Variants in ETFDH observed in about 807,000 individuals in gnomAD.
ETFDH encodes electron transfer flavoprotein-ubiquinone oxidoreductase, mitochondrial.
In ETFDH, 61 loss-of-function variants were observed where a neutral mutation model predicts 73.2. The observed-to-expected ratio is 0.83, with a 90% confidence interval of 0.68 to 1.03. The LOEUF (loss-of-function observed/expected upper bound fraction) is 1.03. Among genes scored for constraint, ETFDH ranks in the 50% least tolerant of loss-of-function variants. The pLI is 0.00. For missense variants in ETFDH, 685 were observed against 745.0 expected (o/e 0.92, Z 0.94); for synonymous variants, 243 against 253.3 (o/e 0.96, Z 0.39).
intron 12 of ETFDH, among the ~76,000 whole-genome samples, chr4:158,708,130 T>C (rs1016688945): frequency 2.6e-5 from 4 of 152,164 alleles, no homozygotes; most frequent in Non-Finnish European, 2.9e-5. Context: ...CAGTGTCGAG[T>C]ACCCTTGATA....
At chr4:158,701,372 C>G (rs559265619) in intron 9 of ETFDH, among the ~76,000 whole-genome samples, 1 of 152,160 alleles carries the variant, frequency 6.6e-6, no homozygotes. Flanking sequence ...CAGATAGCAC[C>G]TCCTCCCCAT....
In ETFDH at chr4:158,697,545, T is replaced by C; in HGVS notation, c.832-14T>C. The C allele has an allele frequency of 1.7e-6, 2 of 1,206,194 alleles. No individual in the cohort carries two copies. Among genetic ancestry groups the C allele is most frequent in the Non-Finnish European group, 2.3e-6 (2 of 878,068 alleles). The allele number at this position is 1,206,194 out of a possible 1,614,324, so 74.7% of individuals were successfully genotyped here. Reference sequence around the variant, plus strand: ...ATACTGCAGGACTTTTTTGTTTGCTTTTTTTTTTTTTAGTTATGGGTTATT... The same window carrying C: ...ATACTGCAGGACTTTTTTGTTTGCTCTTTTTTTTTTTAGTTATGGGTTATT... On this transcript the variant is annotated splice_polypyrimidine_tract_variant and intron_variant, in intron 7 of 12. Transcript: ENST00000511912.
Position 158,697,568 on chromosome 4 carries a change from A to G in ETFDH, c.841A>G (p.Ile281Val), listed in dbSNP as rs761854400. 160 of 1,607,096 alleles carry G rather than the reference A, an allele frequency of 1.0e-4. No homozygotes were observed. The highest frequency in any genetic ancestry group is 1.7e-4 in the Middle Eastern group (1 of 5,986). Residue 281 changes from isoleucine to valine, a missense_variant, in exon 8 of 13, where the codon ATT becomes GTT. By Grantham distance (29) the Ile-to-Val change is conservative. Around this residue, in one of 3 missense-constraint regions of ETFDH, gnomAD observed 405 missense variants for 399.3 expected, o/e 1.01. Transcript: ENST00000511912. ...CTTTTTTTTTTTTTAGTTATGGGTTATTGATGAAAAGAACTGGAAACCTGG... is the reference window on the plus strand; with the variant it reads ...CTTTTTTTTTTTTTAGTTATGGGTTGTTGATGAAAAGAACTGGAAACCTGG... The part of the protein sequence containing the change: ...YGIGLKELWV[I>V]DEKNWKPGRV...
chr4:158,676,098 G>A (rs944246582), intron 1 of ETFDH, among the ~76,000 whole-genome samples: 1 of 152,152 alleles, frequency 6.6e-6, no homozygotes, highest in Admixed American at 6.5e-5. Context: ...ACACAGAGGC[G>A]GCTGTACAGG....
At chr4:158,693,606 T>G (rs1392291620) in intron 6 of ETFDH, among the ~76,000 whole-genome samples, 1 of 152,204 alleles carries the variant, frequency 6.6e-6, no homozygotes, top group African/African-American at 2.4e-5. Context: ...GGACCCCGGT[T>G]TGCTGGTTGT....
At chr4:158,676,062 A>C (rs543473624) in intron 1 of ETFDH, among the ~76,000 whole-genome samples, 4 of 152,202 alleles carry the variant, frequency 2.6e-5, no homozygotes, top group Non-Finnish European at 5.9e-5. Context: ...AAACAGGAGA[A>C]TTAGAATAGA....
At chr4:158,681,425 A>T (rs1188661151) in intron 2 of ETFDH, 1 of 152,238 alleles carries the variant, frequency 6.6e-6, no homozygotes, top group Non-Finnish European at 1.5e-5. Flanking sequence ...TTAAAAGCTT[A>T]TAAAATAAAA....
At chr4:158,692,815 G>A (rs1435531005) in intron 6 of ETFDH, among the ~76,000 whole-genome samples, 2 of 135,442 alleles carry the variant, frequency 1.5e-5, no homozygotes, top group Middle Eastern at 5.1e-3. Context: ...AGCCACGATC[G>A]CACCACTGCA....
intron 6 of ETFDH, among the ~76,000 whole-genome samples, chr4:158,691,540 G>A (rs1479826583): frequency 6.6e-6 from 1 of 151,966 alleles, no homozygotes; most frequent in African/African-American, 2.4e-5. Flanking sequence ...GGCCACGCTG[G>A]TCTTGAACTC....
chr4:158,680,859 T>A (rs1447786186), intron 2 of ETFDH, among the ~76,000 whole-genome samples: 2 of 152,136 alleles, frequency 1.3e-5, no homozygotes, highest in African/African-American at 2.4e-5. Flanking sequence ...TTCCAGACCA[T>A]CGTAGCTCAA....
chr4:158,675,768 C>CA (rs199648174), intron 1 of ETFDH, among the ~76,000 whole-genome samples: 5,601 of 78,606 alleles, frequency 0.071, 138 homozygotes, highest in Non-Finnish European at 0.095. Context: ...GACCCTGTCT[C>CA]AAAAAAAAAA....
rs1380131348 is a variant in ETFDH, at chr4:158,682,176, G to T, written c.176-19G>T. 1.2e-6 allele frequency: 2 copies of T among 1,613,292 alleles called. No individual in the cohort carries two copies. Among genetic ancestry groups the T allele is most frequent in the South Asian group, 1.1e-5 (1 of 91,058 alleles). On this transcript the variant is annotated intron_variant, in intron 2 of 12. Transcript: ENST00000511912. ...TGATTATTGGGTTATATTAATCCCA[G>T]AATTTTTATTTCTCCCAGGAGTGAA...
At chr4:158,694,764 A>G (rs191405654) in intron 6 of ETFDH, among the ~76,000 whole-genome samples, 7 of 152,256 alleles carry the variant, frequency 4.6e-5, no homozygotes, top group Admixed American at 1.3e-4. Flanking sequence ...TTGGAAAGTA[A>G]TATGATAATA....
chr4:158,708,215 A>G, intron 12 of ETFDH, 149 bp from the exon 13 acceptor site: 1 of 621,890 alleles, frequency 1.6e-6, no homozygotes, highest in South Asian at 2.0e-5. Flanking sequence ...ATCAATAGCA[A>G]TGCACCAAGG....
At position 158,708,438 on chromosome 4, in the gene ETFDH, T is replaced by C; in HGVS notation, c.1765T>C (p.Cys589Arg). ...LQINAQNCVH[C>R]KTCDIKDPSQ... ...GATAAATGCTCAGAACTGTGTACATTGTAAAACATGTGATATTAAAGATCC... is the reference window on the plus strand; with the variant it reads ...GATAAATGCTCAGAACTGTGTACATCGTAAAACATGTGATATTAAAGATCC... Residue 589 changes from cysteine (C) to arginine (R), a missense_variant, in exon 13 of 13, where the codon TGT becomes CGT. Cys to Arg is a radical substitution (Grantham distance 180). Transcript: ENST00000511912. 6.2e-7 allele frequency: 1 copy of C among 1,610,888 alleles called. No homozygotes were observed.
At chr4:158,703,287 T>A in intron 9 of ETFDH, 136 bp from the exon 10 acceptor site, 1 of 686,154 alleles carries the variant, frequency 1.5e-6, no homozygotes, top group South Asian at 1.7e-5. Flanking sequence ...TTTATTCCTT[T>A]GCTCAATTCA....
chr4:158,695,684 G>T (rs754785137), intron 7 of ETFDH, 41 bp downstream of exon 7: 1 of 1,414,222 alleles, frequency 7.1e-7, no homozygotes, highest in South Asian at 1.2e-5. Context: ...TTGAAAGATG[G>T]AATTTAAATT....
chr4:158,695,408 C>A, intron 6 of ETFDH, 89 bp from the exon 7 acceptor site: 1 of 998,416 alleles, frequency 1.0e-6, no homozygotes, highest in Non-Finnish European at 1.6e-6. Context: ...TCTTCTACAT[C>A]TGAATCATAG....
At chr4:158,674,093 T>C (rs1411196720) in intron 1 of ETFDH, among the ~76,000 whole-genome samples, 1 of 152,252 alleles carries the variant, frequency 6.6e-6, no homozygotes, top group Non-Finnish European at 1.5e-5. Context: ...GTTTGTCATA[T>C]GTCAGTCATC....
Sources: gnomAD v4.1 joint callset for allele counts (sites outside exome capture counted in the v4.1 genomes callset) on GRCh38, gnomAD v4.1.1 for gene constraint, gnomAD v4.1.1 regional missense constraint, MANE v1.5 for transcripts, NCBI Gene and HGNC (gene_info 2026-07-23, HGNC 2026-07-21) for gene names.